The following PHLDB2 variants were observed in gnomAD, a reference collection of about 807,000 sequenced individuals.
The protein encoded by PHLDB2 is pleckstrin homology like domain family B member 2, also known as pleckstrin homology-like domain family B member 2.
In PHLDB2, 71 loss-of-function variants were observed where a neutral mutation model predicts 123.6. The observed-to-expected ratio is 0.57, with a 90% confidence interval of 0.47 to 0.70. The LOEUF (loss-of-function observed/expected upper bound fraction) is 0.70. Among genes scored for constraint, PHLDB2 ranks in the 30% least tolerant of loss-of-function variants. PHLDB2 has a pLI of 0.00. For missense variants in PHLDB2, 1,446 were observed against 1,519.5 expected (o/e 0.95, Z 0.80); for synonymous variants, 547 against 541.6 (o/e 1.01, Z -0.14).
At chr3:111,935,037 C>T (rs1577124664) in intron 6 of PHLDB2, among the ~76,000 whole-genome samples, 1 of 150,420 alleles carries the variant, frequency 6.6e-6, no homozygotes, top group Non-Finnish European at 1.5e-5. Flanking sequence ...AGCCAGGTAA[C>T]TGTCTTCTTG....
chr3:111,808,960 A>G (rs915639274), intron 1 of PHLDB2, among the ~76,000 whole-genome samples: 4 of 152,212 alleles, frequency 2.6e-5, no homozygotes, highest in African/African-American at 9.6e-5. Context: ...TAAAGTCATT[A>G]GTACATACAC....
chr3:111,749,629 T>G (rs1005469508), intron 1 of PHLDB2, among the ~76,000 whole-genome samples: 1 of 152,238 alleles, frequency 6.6e-6, no homozygotes, highest in African/African-American at 2.4e-5. Flanking sequence ...AGAATTGCCT[T>G]GCAGGAACTT....
intron 1 of PHLDB2, among the ~76,000 whole-genome samples, chr3:111,767,493 A>T (rs2060102813): frequency 6.6e-6 from 1 of 152,246 alleles, no homozygotes; most frequent in Non-Finnish European, 1.5e-5. Context: ...AGAAGTTTCT[A>T]AAAAATTCCT....
intron 16 of PHLDB2, among the ~76,000 whole-genome samples, chr3:111,972,195 A>G (rs553074507): frequency 1.5e-4 from 23 of 152,318 alleles, no homozygotes; most frequent in Middle Eastern, 6.8e-3. Flanking sequence ...AATTACTGCA[A>G]TATCATTTCC....
chr3:111,955,143 T>TTA (rs1559921115), intron 12 of PHLDB2, among the ~76,000 whole-genome samples: 1 of 9,252 alleles, frequency 1.1e-4, no homozygotes, highest in Non-Finnish European at 2.2e-4. Context: ...TATGTATATA[T>TTA]GATATATATA....
chr3:111,945,327 G>C lies in PHLDB2; in HGVS notation c.2457G>C (p.Gly819=), dbSNP rs1346623165. ...ACTCCAGCCTCTCTGGGGGGAAAGG[G>C]TTTCCCGTTAACCCCAATACTTTAA... ...KKYSSLSGGK[G]FPVNPNTLKE... The change falls in exon 9 of 18, where the codon GGG becomes GGC. Residue 819 remains glycine (G), a synonymous_variant. Transcript: ENST00000431670. 6.2e-7 allele frequency: 1 copy of C among 1,609,632 alleles called. No homozygotes were observed. The highest frequency in any genetic ancestry group is 8.5e-7 in the Non-Finnish European group (1 of 1,176,600).
rs531867581 is a variant in PHLDB2 at position 111,831,123 on chromosome 3, C to T, written c.-48-14698C>T. 1.3e-3 allele frequency among the ~76,000 whole-genome samples: 201 copies of T among 152,014 alleles called. 3 individuals are homozygous for T. Among genetic ancestry groups the T allele is most frequent in the Middle Eastern group, 3.4e-3 (1 of 294 alleles). On this transcript the variant is annotated intron_variant, in intron 1 of 17. Transcript: ENST00000393923. ...CCATGACACTTTTTAAAAATCCCTA[C>T]CTATACTTAATCAGAATCTACAGGA...
rs1443277066 is a variant in PHLDB2 at position 111,975,973 on chromosome 3, GAC to G, written c.*1414_*1415del. 2 of 152,642 alleles carry G rather than the reference GAC, an allele frequency of 1.3e-5. No individual in the cohort carries two copies. The highest frequency in any genetic ancestry group is 4.8e-5 in the African/African-American group (2 of 41,446). 9.5% of individuals were successfully genotyped at this position (152,642 alleles called of 1,614,324 possible). A position where few individuals can be genotyped will look rare whatever the true frequency, so the allele number is the denominator to read the frequency against. ...CAATAATAAGATTTTGCAACTGGAT[GAC>G]ACAAGATTTTACTTGAACAGTGAAG... is the stretch of plus-strand genomic sequence containing the variant. On this transcript the variant is annotated 3_prime_UTR_variant, in exon 18 of 18. Transcript: ENST00000431670.
chr3:111,808,075 T>C (rs1326050612), intron 1 of PHLDB2, among the ~76,000 whole-genome samples: 2 of 152,024 alleles, frequency 1.3e-5, no homozygotes, highest in African/African-American at 4.8e-5. Context: ...AATTCTGATT[T>C]CATCGGTCTG....
At chr3:111,967,942 G>T (rs2107682320) in intron 15 of PHLDB2, 118 bp downstream of exon 15, 1 of 386,582 alleles carries the variant, frequency 2.6e-6, no homozygotes, top group Non-Finnish European at 4.3e-6. Context: ...CACTTGACAT[G>T]TAAGGGTTAA....
At chr3:111,846,311 A>G (rs1217964814) in intron 2 of PHLDB2, 2 of 191,854 alleles carry the variant, frequency 1.0e-5, no homozygotes, top group Admixed American at 5.3e-5. Flanking sequence ...CCAGCAGAGT[A>G]GCTGATATTG....
At chr3:111,916,865 T>C (rs2068210092) in intron 3 of PHLDB2, 1 of 151,936 alleles carries the variant, frequency 6.6e-6, no homozygotes, top group South Asian at 2.1e-4. Flanking sequence ...AAAGATAACA[T>C]ATTAGAGGAT....
intron 17 of PHLDB2, among the ~76,000 whole-genome samples, 165 bp downstream of exon 17, chr3:111,973,982 C>T (rs774852): frequency 0.9 from 135,341 of 151,094 alleles, 60,271 homozygotes; most frequent in Middle Eastern, 0.92. Flanking sequence ...TGGCCGTTCT[C>T]TTTGAGGAAA....
At chr3:111,829,929 C>A (rs2062859576) in intron 1 of PHLDB2, among the ~76,000 whole-genome samples, 1 of 63,658 alleles carries the variant, frequency 1.6e-5, no homozygotes, top group South Asian at 4.1e-4. Flanking sequence ...CTATTCAAAA[C>A]ACACACACAC....
intron 2 of PHLDB2, among the ~76,000 whole-genome samples, 156 bp from the exon 3 acceptor site, chr3:111,913,163 A>G (rs2067982838): frequency 6.6e-6 from 1 of 152,218 alleles, no homozygotes; most frequent in African/African-American, 2.4e-5. Flanking sequence ...CTTTAAATGC[A>G]TCCGTCAAAG....
chr3:111,904,361 T>C (rs2067394732), intron 2 of PHLDB2, among the ~76,000 whole-genome samples: 1 of 150,336 alleles, frequency 6.7e-6, no homozygotes, highest in South Asian at 2.1e-4. Flanking sequence ...GACAGAGAGG[T>C]ACTGAGCCTC....
chr3:111,806,560 C>T (rs2061598571), intron 1 of PHLDB2, among the ~76,000 whole-genome samples: 1 of 151,686 alleles, frequency 6.6e-6, no homozygotes, highest in Non-Finnish European at 1.5e-5. Flanking sequence ...TCTTGGCTCA[C>T]TGCAACCTCT....
At chr3:111,939,748 G>C in intron 7 of PHLDB2, 118 bp downstream of exon 7, 2 of 979,596 alleles carry the variant, frequency 2.0e-6, no homozygotes, top group Non-Finnish European at 2.9e-6. Flanking sequence ...TGCCATGTAT[G>C]TGGCAAATGG....
upstream of PHLDB2, among the ~76,000 whole-genome samples, chr3:111,857,244 G>A (rs1293384622): frequency 6.6e-6 from 1 of 152,084 alleles, no homozygotes; most frequent in East Asian, 1.9e-4. Context: ...TTGAGCCCAG[G>A]AGTTCAAGAA....
Sources: allele counts gnomAD v4.1 joint callset (sites outside exome capture counted in the v4.1 genomes callset), GRCh38; gene constraint gnomAD v4.1.1; transcripts MANE v1.5; gene names NCBI Gene and HGNC (gene_info 2026-07-23, HGNC 2026-07-21).